MAGI2: variants seen among roughly 807,000 people sequenced by gnomAD.
The protein encoded by MAGI2 is membrane associated guanylate kinase, WW and PDZ domain containing 2.
A neutral mutation model predicts 133.3 loss-of-function variants in MAGI2; 35 were observed. That is an observed-to-expected ratio of 0.26 (90% CI 0.20 to 0.35). The LOEUF is 0.35. MAGI2 is among the 10% of genes least tolerant of loss of function. The pLI is 1.00. For missense variants in MAGI2, 1,636 were observed against 1,863.4 expected (o/e 0.88, Z 2.25); for synonymous variants, 729 against 710.6 (o/e 1.03, Z -0.41).
intron 6 of MAGI2, among the ~76,000 whole-genome samples, chr7:78,414,063 C>A (rs1286597070): frequency 6.6e-6 from 1 of 151,868 alleles, no homozygotes; most frequent in South Asian, 2.1e-4. Flanking sequence ...AAAATATTAA[C>A]CAGAGGTGCA....
At chr7:78,662,419 C>T (rs1350735347) in intron 2 of MAGI2, among the ~76,000 whole-genome samples, 4 of 152,162 alleles carry the variant, frequency 2.6e-5, no homozygotes, top group Admixed American at 2.6e-4. Flanking sequence ...GAAACACTAG[C>T]ACTTCCTTAA....
At chr7:79,186,128 AT>A (rs1827066361) in intron 1 of MAGI2, among the ~76,000 whole-genome samples, 1 of 149,200 alleles carries the variant, frequency 6.7e-6, no homozygotes, top group Non-Finnish European at 1.5e-5. Flanking sequence ...AATGCATAGG[AT>A]TACACCATTT....
chr7:79,264,792 T>C (rs1024436062), intron 1 of MAGI2, among the ~76,000 whole-genome samples: 2 of 151,600 alleles, frequency 1.3e-5, no homozygotes, highest in Non-Finnish European at 2.9e-5. Flanking sequence ...GGCTGCTTCA[T>C]GGTGGAAGAT....
intron 1 of MAGI2, among the ~76,000 whole-genome samples, chr7:79,202,051 A>AT (rs1828658405): frequency 6.6e-6 from 1 of 151,968 alleles, no homozygotes; most frequent in Admixed American, 6.6e-5. Flanking sequence ...TTGTATAGAA[A>AT]ATATATTTTA....
rs548458501 is a variant in MAGI2 at position 78,836,915 on chromosome 7, G to A, written c.418+170175C>T. On this transcript the variant is annotated intron_variant, in intron 2 of 21. Transcript: ENST00000354212. ...AAATTATACTCAGCCTCAGCTGTTC[G>A]TACTTTGTGTTTACATAGGTGTCTA... Among the ~76,000 whole-genome samples the A allele has an allele frequency of 5.9e-5, 9 of 152,124 alleles. No homozygotes were observed. In the East Asian group the frequency reaches 7.7e-4, roughly 13 times the overall value.
chr7:78,289,387 G>C (rs188725803), intron 9 of MAGI2, among the ~76,000 whole-genome samples: 2 of 152,086 alleles, frequency 1.3e-5, no homozygotes, highest in Non-Finnish European at 2.9e-5. Context: ...GAAATGAAGC[G>C]AGAAGAGAAG....
intron 6 of MAGI2, among the ~76,000 whole-genome samples, chr7:78,417,304 T>A (rs1405803198): frequency 1.4e-5 from 2 of 147,980 alleles, no homozygotes; most frequent in African/African-American, 2.5e-5. Flanking sequence ...AACCATTTTC[T>A]AAAAAAAAAA....
intron 21 of MAGI2, chr7:78,039,418 C>T (rs1325474580): frequency 6.6e-6 from 1 of 152,194 alleles, no homozygotes; most frequent in Non-Finnish European, 1.5e-5. Flanking sequence ...CATGACAAAT[C>T]TCTTCCCCGC....
At chr7:78,943,352 G>A (rs754700535) in intron 2 of MAGI2, among the ~76,000 whole-genome samples, 2 of 152,056 alleles carry the variant, frequency 1.3e-5, no homozygotes, top group Non-Finnish European at 2.9e-5. Flanking sequence ...TTTTCATATG[G>A]GTTATACTTT....
chr7:78,109,075 C>T (rs997514673), intron 20 of MAGI2, among the ~76,000 whole-genome samples: 30 of 149,504 alleles, frequency 2.0e-4, no homozygotes, highest in Middle Eastern at 7.4e-3. Context: ...GAGGCCGAGG[C>T]GGGCGGATCA....
intron 21 of MAGI2, among the ~76,000 whole-genome samples, chr7:78,070,160 TATAC>T (rs1256539767): frequency 1.9e-5 from 1 of 51,682 alleles, no homozygotes; most frequent in African/African-American, 6.7e-5. Flanking sequence ...CACACATATA[TATAC>T]ACACACACAC....
chr7:78,822,360 T>G (rs1002114929), intron 2 of MAGI2, among the ~76,000 whole-genome samples: 69 of 152,082 alleles, frequency 4.5e-4, no homozygotes, highest in African/African-American at 1.6e-3. Flanking sequence ...TATGGGAAAT[T>G]TTGGTTGTAC....
intron 1 of MAGI2, among the ~76,000 whole-genome samples, chr7:79,391,404 G>T (rs982686741): frequency 6.7e-6 from 1 of 149,296 alleles, no homozygotes; most frequent in Middle Eastern, 3.6e-3. Context: ...TTCTTATTAC[G>T]GACAACTTAG....
intron 6 of MAGI2, among the ~76,000 whole-genome samples, chr7:78,404,149 C>G (rs982401156): frequency 2.0e-5 from 3 of 152,118 alleles, no homozygotes; most frequent in Admixed American, 2.0e-4. Flanking sequence ...CTGCAAACCA[C>G]TCCTCAATGA....
At chr7:79,273,367 T>C (rs961521517) in intron 1 of MAGI2, among the ~76,000 whole-genome samples, 2 of 152,088 alleles carry the variant, frequency 1.3e-5, no homozygotes, top group Non-Finnish European at 2.9e-5. Flanking sequence ...AGGCTCCCCA[T>C]GTTCCAGGAA....
Position 78,692,429 on chromosome 7 carries a change from G to A in MAGI2, c.419-65190C>T, listed in dbSNP as rs147254066. Reference sequence around the variant, plus strand: ...AGACACTTCACAGCAATACAGTGTCGATTAAATTGGACACTAGTAAGGCAT... The same window carrying A: ...AGACACTTCACAGCAATACAGTGTCAATTAAATTGGACACTAGTAAGGCAT... On this transcript the variant is annotated intron_variant, in intron 2 of 21. Transcript: ENST00000354212. Among the ~76,000 whole-genome samples, 626 of 152,164 alleles carry A rather than the reference G, an allele frequency of 4.1e-3. 7 individuals are homozygous for A. Among genetic ancestry groups the A allele is most frequent in the African/African-American group, 0.015 (605 of 41,526 alleles).
At chr7:78,890,848 G>C (rs1384678260) in intron 2 of MAGI2, among the ~76,000 whole-genome samples, 3 of 152,042 alleles carry the variant, frequency 2.0e-5, no homozygotes, top group African/African-American at 7.2e-5. Context: ...ACATTCAAAA[G>C]CTAGCAGAAG....
intron 1 of MAGI2, among the ~76,000 whole-genome samples, chr7:79,070,692 T>G (rs1165652700): frequency 6.6e-6 from 1 of 151,602 alleles, no homozygotes; most frequent in Non-Finnish European, 1.5e-5. Flanking sequence ...GGGGTTTCAC[T>G]GTGTTAGCCA....
chr7:78,812,296 T>C (rs1179200579), intron 2 of MAGI2, among the ~76,000 whole-genome samples: 1 of 152,178 alleles, frequency 6.6e-6, no homozygotes, highest in African/African-American at 2.4e-5. Flanking sequence ...ATACAGGTTG[T>C]AAAAAATTTA....
Sources: allele counts gnomAD v4.1 joint callset (sites outside exome capture counted in the v4.1 genomes callset), GRCh38; gene constraint gnomAD v4.1.1; transcripts MANE v1.5; gene names NCBI Gene and HGNC (gene_info 2026-07-23, HGNC 2026-07-21).